SLC16A12: variants seen among roughly 807,000 people sequenced by gnomAD.
SLC16A12 encodes the protein monocarboxylate transporter 12.
In SLC16A12, 17 loss-of-function variants were observed where a neutral mutation model predicts 42.4. The ratio of observed to expected loss-of-function variants is 0.40; its 90% CI spans 0.27 to 0.60. The LOEUF is 0.60. Among genes scored for constraint, SLC16A12 ranks in the 20% least tolerant of loss-of-function variants. The pLI is 0.42. For missense variants in SLC16A12, 544 were observed against 623.0 expected (o/e 0.87, Z 1.35); for synonymous variants, 224 against 229.4 (o/e 0.98, Z 0.21).
upstream of SLC16A12, among the ~76,000 whole-genome samples, chr10:89,539,865 C>CTTTCT (rs1843701421): frequency 7.6e-6 from 1 of 131,294 alleles, no homozygotes; most frequent in African/African-American, 3.1e-5. Context: ...ATTTTTCTTT[C>CTTTCT]TTTCTTTCTT....
intron 2 of SLC16A12, among the ~76,000 whole-genome samples, chr10:89,510,196 G>A (rs1441581168): frequency 6.6e-6 from 1 of 152,128 alleles, no homozygotes; most frequent in Non-Finnish European, 1.5e-5. Flanking sequence ...TCCCCATCAA[G>A]CTACCACTGA....
chr10:89,547,195 C>T (rs546587466), intron 2 of SLC16A12, among the ~76,000 whole-genome samples: 83 of 152,178 alleles, frequency 5.5e-4, no homozygotes, highest in African/African-American at 1.9e-3. Context: ...GCCTACAGAC[C>T]TTGAATATGC....
chr10:89,441,993 C>G (rs761861729), intron 4 of SLC16A12, among the ~76,000 whole-genome samples: 2 of 152,172 alleles, frequency 1.3e-5, no homozygotes, highest in African/African-American at 4.8e-5. Flanking sequence ...TTATTTCACG[C>G]CCTTACTCTT....
At chr10:89,454,720 G>A (rs944724611) in intron 3 of SLC16A12, among the ~76,000 whole-genome samples, 8 of 151,626 alleles carry the variant, frequency 5.3e-5, no homozygotes, top group African/African-American at 1.7e-4. Flanking sequence ...CCTTCCTCCA[G>A]GAAGGTTTCC....
intron 2 of SLC16A12, among the ~76,000 whole-genome samples, chr10:89,472,935 G>A (rs304416): frequency 0.23 from 34,344 of 151,532 alleles, 4,698 homozygotes; most frequent in Non-Finnish European, 0.32. Flanking sequence ...CTACCACCTC[G>A]GCAACCCAAA....
At position 89,433,580 on chromosome 10, in the gene SLC16A12, C is replaced by A. The variant is rs1200817235; in HGVS notation, c.1289-254G>T. 2.6e-5 allele frequency among the ~76,000 whole-genome samples: 4 copies of A among 152,094 alleles called. No individual in the cohort carries two copies. In the East Asian group the frequency reaches 5.8e-4, roughly 22 times the overall value. ...AAAAGCATCATGTACTTAGTAGTCA[C>A]AACGTAAATATTAGTTACTATTAAC... On this transcript the variant is annotated intron_variant, in intron 7 of 7. Transcript: ENST00000371790.
At chr10:89,467,405 T>C (rs1299622781) in intron 2 of SLC16A12, among the ~76,000 whole-genome samples, 2 of 152,178 alleles carry the variant, frequency 1.3e-5, no homozygotes, top group African/African-American at 4.8e-5. Flanking sequence ...GAAGCCACTA[T>C]AGGCAAAAAA....
chr10:89,550,209 A>G (rs1447814349), intron 2 of SLC16A12, among the ~76,000 whole-genome samples: 1 of 152,104 alleles, frequency 6.6e-6, no homozygotes, highest in Non-Finnish European at 1.5e-5. Context: ...TATTCTCCAT[A>G]AAACATCAAG....
At chr10:89,514,514 C>A (rs1843214865) in intron 2 of SLC16A12, among the ~76,000 whole-genome samples, 1 of 152,182 alleles carries the variant, frequency 6.6e-6, no homozygotes, top group African/African-American at 2.4e-5. Context: ...GACAATGGCC[C>A]TCTGGCTGTG....
At chr10:89,439,254 T>G in intron 5 of SLC16A12, 71 bp from the exon 6 acceptor site, 1 of 1,457,840 alleles carries the variant, frequency 6.9e-7, no homozygotes, top group East Asian at 2.3e-5. Flanking sequence ...AATACAATGA[T>G]TTATATTAAA....
At chr10:89,459,536 G>GTGTGTT (rs1414407136) in intron 3 of SLC16A12, among the ~76,000 whole-genome samples, 2 of 151,720 alleles carry the variant, frequency 1.3e-5, no homozygotes, top group African/African-American at 4.8e-5. Context: ...GTGTGTGTGT[G>GTGTGTT]TATGTGTGTG....
intron 2 of SLC16A12, among the ~76,000 whole-genome samples, chr10:89,504,902 C>T (rs923381492): frequency 6.6e-6 from 1 of 152,102 alleles, no homozygotes; most frequent in Admixed American, 6.6e-5. Flanking sequence ...AGAGCATGAT[C>T]GGAGGGACCC....
intron 2 of SLC16A12, among the ~76,000 whole-genome samples, chr10:89,526,353 G>A (rs983677080): frequency 6.6e-6 from 1 of 152,132 alleles, no homozygotes; most frequent in Non-Finnish European, 1.5e-5. Context: ...ACACTCTCCT[G>A]GGGAGACATA....
chr10:89,470,110 A>G (rs114233896), intron 2 of SLC16A12, among the ~76,000 whole-genome samples: 1,600 of 152,278 alleles, frequency 0.011, 31 homozygotes, highest in African/African-American at 0.036. Context: ...CAAGAAGCCT[A>G]TTGCTGTAGG....
intron 7 of SLC16A12, among the ~76,000 whole-genome samples, chr10:89,435,426 C>T (rs941200381): frequency 2.0e-5 from 3 of 152,176 alleles, no homozygotes; most frequent in Admixed American, 6.5e-5. Flanking sequence ...GCCCCCAGAG[C>T]TCATCTTTAT....
upstream of SLC16A12, among the ~76,000 whole-genome samples, chr10:89,537,794 G>A (rs1843689824): frequency 2.0e-5 from 3 of 152,278 alleles, no homozygotes; most frequent in Admixed American, 1.3e-4. Context: ...GCTTCCTTTC[G>A]TCTAAGTCAC....
chr10:89,491,509 G>T (rs1467967730), intron 2 of SLC16A12, among the ~76,000 whole-genome samples: 1 of 146,174 alleles, frequency 6.8e-6, no homozygotes, highest in Non-Finnish European at 1.5e-5. Context: ...CCCTAGAGGA[G>T]TTTTTTTTTT....
At chr10:89,451,868 G>C (rs1280969320) in intron 3 of SLC16A12, among the ~76,000 whole-genome samples, 1 of 152,148 alleles carries the variant, frequency 6.6e-6, no homozygotes, top group Non-Finnish European at 1.5e-5. Flanking sequence ...CCCACGATTT[G>C]AGAGAGTTCA....
chr10:89,489,281 C>T (rs993048926), intron 2 of SLC16A12, among the ~76,000 whole-genome samples: 1 of 152,010 alleles, frequency 6.6e-6, no homozygotes, highest in African/African-American at 2.4e-5. Flanking sequence ...GGAGATTGGC[C>T]ACTGCTGAGG....
Sources: gnomAD v4.1 joint callset for allele counts (sites outside exome capture counted in the v4.1 genomes callset) on GRCh38, gnomAD v4.1.1 for gene constraint, MANE v1.5 for transcripts, NCBI Gene and HGNC (gene_info 2026-07-23, HGNC 2026-07-21) for gene names.